The following HMCN1 variants were observed in gnomAD, a reference collection of about 807,000 sequenced individuals.
HMCN1 encodes the protein hemicentin 1.
A neutral mutation model predicts 625.9 loss-of-function variants in HMCN1; 321 were observed. The ratio of observed to expected loss-of-function variants is 0.51; its 90% CI spans 0.47 to 0.56. HMCN1 has a LOEUF of 0.56. Ranked by LOEUF, HMCN1 falls within the 20% of genes least tolerant of loss-of-function variation. The pLI is 0.00. For missense variants in HMCN1, 6,588 were observed against 6,887.3 expected (o/e 0.96, Z 1.54); for synonymous variants, 2,425 against 2,417.6 (o/e 1.00, Z -0.09).
intron 8 of HMCN1, 131 bp from the exon 9 acceptor site, chr1:185,924,916 T>C: frequency 1.2e-6 from 1 of 844,848 alleles, no homozygotes; most frequent in Middle Eastern, 2.2e-4. Context: ...TGATCTGGGT[T>C]AATTGGAATG....
At chr1:185,833,351 A>G (rs1053684967) in intron 1 of HMCN1, among the ~76,000 whole-genome samples, 6 of 152,348 alleles carry the variant, frequency 3.9e-5, no homozygotes, top group Middle Eastern at 6.8e-3. Flanking sequence ...TTAAGAAGAC[A>G]TCATATAAAT....
At position 185,977,912 on chromosome 1, in the gene HMCN1, C is replaced by A. The variant is rs1344900082; in HGVS notation, c.2497C>A (p.Pro833Thr). The stretch of plus-strand genomic sequence containing the variant: ...CAAATGGCGAAGATTAGACAACATG[C>A]CAATTTTCTCAAGACCTTTTTCAGT... Reference protein sequence around the residue: ...TIKWRRLDNMPIFSRPFSVSS... With the variant: ...TIKWRRLDNMTIFSRPFSVSS... The change falls in exon 16 of 107, where the codon CCA (proline) becomes ACA (threonine). Residue 833 changes from proline (P) to threonine (T), a missense_variant. This residue lies in a region of HMCN1 where 4,628 missense variants were observed against 4,853.1 expected (regional missense o/e 0.95). Transcript: ENST00000271588. 5.6e-6 allele frequency: 9 copies of A among 1,613,310 alleles called. No homozygotes were observed. The highest frequency in any genetic ancestry group is 1.7e-5 in the Admixed American group (1 of 59,964).
At chr1:185,769,553 A>G (rs1656094978) in intron 1 of HMCN1, among the ~76,000 whole-genome samples, 1 of 152,182 alleles carries the variant, frequency 6.6e-6, no homozygotes, top group Non-Finnish European at 1.5e-5. Context: ...CAGGGTAGAG[A>G]AGAGTTTGGG....
chr1:185,752,197 A>G (rs981845421), intron 1 of HMCN1, among the ~76,000 whole-genome samples: 1 of 152,026 alleles, frequency 6.6e-6, no homozygotes, highest in African/African-American at 2.4e-5. Flanking sequence ...TAGGGTTTCA[A>G]CTTCTCTTAG....
chr1:186,156,185 A>T (rs931419754), intron 97 of HMCN1, among the ~76,000 whole-genome samples: 5 of 152,120 alleles, frequency 3.3e-5, no homozygotes, highest in African/African-American at 1.2e-4. Flanking sequence ...ATTATGCAGG[A>T]ATATATAAAT....
At chr1:186,012,214 A>T (rs12094290) in intron 30 of HMCN1, among the ~76,000 whole-genome samples, 26,526 of 151,316 alleles carry the variant, frequency 0.18, 2,947 homozygotes, top group Non-Finnish European at 0.25. Context: ...AGCTTTGTAA[A>T]CTTGTCTAAG....
At chr1:185,817,708 C>A (rs564377916) in intron 1 of HMCN1, among the ~76,000 whole-genome samples, 2 of 152,196 alleles carry the variant, frequency 1.3e-5, no homozygotes, top group South Asian at 4.2e-4. Flanking sequence ...TATGAAATAT[C>A]TCCAATATAT....
intron 15 of HMCN1, among the ~76,000 whole-genome samples, chr1:185,971,909 T>A (rs1650860537): frequency 6.6e-6 from 1 of 152,146 alleles, no homozygotes; most frequent in African/African-American, 2.4e-5. Context: ...GACTAAACTC[T>A]GTGGTTATTA....
Position 185,977,929 on chromosome 1 carries a change from T to G in HMCN1, c.2514T>G (p.Pro838=). The G allele has an allele frequency of 6.2e-7, 1 of 1,612,042 alleles. No individual in the cohort carries two copies. The highest frequency in any genetic ancestry group is 8.5e-7 in the Non-Finnish European group (1 of 1,178,416). ...ACAACATGCCAATTTTCTCAAGACCTTTTTCAGTTAGTTCCATCAGCCAAC... is the reference window on the plus strand; with the variant it reads ...ACAACATGCCAATTTTCTCAAGACCGTTTTCAGTTAGTTCCATCAGCCAAC... ...RLDNMPIFSR[P]FSVSSISQLR... The change falls in exon 16 of 107, where the codon CCT becomes CCG. Residue 838 remains proline (P), a synonymous_variant. Coordinates refer to ENST00000271588, the MANE Select transcript of HMCN1 (RefSeq NM_031935.3).
At chr1:186,010,071 C>T (rs1384989092) in intron 30 of HMCN1, among the ~76,000 whole-genome samples, 1 of 152,114 alleles carries the variant, frequency 6.6e-6, no homozygotes, top group Non-Finnish European at 1.5e-5. Flanking sequence ...TCACCTCCTG[C>T]TGTAGGGCCC....
At chr1:186,124,986 T>C (rs1661575824) in intron 81 of HMCN1, among the ~76,000 whole-genome samples, 1 of 152,140 alleles carries the variant, frequency 6.6e-6, no homozygotes, top group Admixed American at 6.6e-5. Context: ...TAAAAAAATT[T>C]GAGTCACAGG....
At chr1:185,880,556 C>T (rs911839965) in intron 4 of HMCN1, among the ~76,000 whole-genome samples, 1 of 152,138 alleles carries the variant, frequency 6.6e-6, no homozygotes, top group Non-Finnish European at 1.5e-5. Context: ...GACCTTTGTC[C>T]TTCTCTCTTC....
rs1431253681 is a variant in HMCN1 at position 185,922,636 on chromosome 1, G to C, written c.1021+137G>C. The C allele has an allele frequency of 3.8e-6, 3 of 786,600 alleles. No individual in the cohort carries two copies. The African/African-American group carries it at 5.2e-5, about 14-fold the overall frequency. 48.7% of individuals were successfully genotyped at this position (786,600 alleles called of 1,614,324 possible). A position where few individuals can be genotyped will look rare whatever the true frequency, so the allele number is the denominator to read the frequency against. On this transcript the variant is annotated intron_variant, in intron 7 of 106. Coordinates refer to ENST00000271588, the MANE Select transcript of HMCN1 (RefSeq NM_031935.3). ...TAGCTTTAAATGTGACTGTTCTCTT[G>C]GCCTAATCACTTTCTCAAAGTGTAA...
intron 99 of HMCN1, 61 bp from the exon 100 acceptor site, chr1:186,166,747 G>T (rs770975977): frequency 2.5e-6 from 4 of 1,611,206 alleles, no homozygotes; most frequent in Admixed American, 1.7e-5. Context: ...CTATTTCACC[G>T]CAGGTTCTTG....
In HMCN1 at chr1:186,078,190, G is replaced by A. The variant is rs2102367610; in HGVS notation, c.8569G>A (p.Asp2857Asn). The A allele has an allele frequency of 1.2e-6, 2 of 1,613,122 alleles. No homozygotes were observed. The highest frequency in any genetic ancestry group is 2.2e-5 in the East Asian group (1 of 44,788). Residue 2857 changes from aspartate (D) to asparagine (N), a missense_variant, in exon 55 of 107, where the codon GAT becomes AAT. This residue lies in a region of HMCN1 where 4,628 missense variants were observed against 4,853.1 expected (regional missense o/e 0.95). Transcript: ENST00000271588. ...TCVAVNEAGE[D>N]SLQYDVRVLV... ...TGTGGCTGTGAATGAGGCTGGAGAA[G>A]ATTCCCTTCAATATGATGTCCGTGT...
chr1:185,860,574 A>C (rs1459016136), intron 2 of HMCN1, among the ~76,000 whole-genome samples: 1 of 152,092 alleles, frequency 6.6e-6, no homozygotes, highest in Non-Finnish European at 1.5e-5. Context: ...CCCCCCAAGT[A>C]GCTGGGACAA....
At chr1:185,798,547 T>C (rs1346064799) in intron 1 of HMCN1, among the ~76,000 whole-genome samples, 2 of 152,132 alleles carry the variant, frequency 1.3e-5, no homozygotes, top group African/African-American at 2.4e-5. Flanking sequence ...CCCATGCTAC[T>C]TGAAGTCTTT....
At chr1:186,087,821 G>C in intron 60 of HMCN1, 111 bp from the exon 61 acceptor site, 1 of 1,158,636 alleles carries the variant, frequency 8.6e-7, no homozygotes, top group Non-Finnish European at 1.3e-6. Flanking sequence ...AAGGCAATTA[G>C]AACTGGGGCA....
intron 1 of HMCN1, among the ~76,000 whole-genome samples, chr1:185,784,251 C>G (rs1367423444): frequency 6.6e-6 from 1 of 152,192 alleles, no homozygotes; most frequent in African/African-American, 2.4e-5. Flanking sequence ...TGCCATCTGT[C>G]ACAGCTTCCC....
Sources: allele counts gnomAD v4.1 joint callset (sites outside exome capture counted in the v4.1 genomes callset), GRCh38; gene constraint gnomAD v4.1.1; regional missense constraint gnomAD v4.1.1; transcripts MANE v1.5; gene names NCBI Gene and HGNC (gene_info 2026-07-23, HGNC 2026-07-21).